The following DPP10 variants were observed in gnomAD, a reference collection of about 807,000 sequenced individuals.
DPP10 encodes inactive dipeptidyl peptidase 10.
DPP10 carries 33 observed loss-of-function variants against 120.9 expected under a neutral mutation model. That is an observed-to-expected ratio of 0.27 (90% CI 0.21 to 0.37). The LOEUF is 0.37. Ranked by LOEUF, DPP10 falls within the 10% of genes least tolerant of loss-of-function variation. The probability of loss-of-function intolerance (pLI) is 1.00; values close to 1 mark genes in which losing one functional copy is unlikely to be tolerated. For synonymous variants in DPP10, 337 were observed against 326.1 expected (o/e 1.03, Z -0.36); for missense variants, 816 against 942.8 (o/e 0.87, Z 1.76).
At chr2:114,928,895 T>C (rs925666684) in intron 1 of DPP10, among the ~76,000 whole-genome samples, 1 of 152,190 alleles carries the variant, frequency 6.6e-6, no homozygotes, top group African/African-American at 2.4e-5. Context: ...CTGGGGCTCT[T>C]TGAGCTACAT....
intron 1 of DPP10, among the ~76,000 whole-genome samples, chr2:115,065,956 C>A (rs2105420478): frequency 6.6e-6 from 1 of 152,306 alleles, no homozygotes; most frequent in East Asian, 1.9e-4. Context: ...ATTTGCAGAG[C>A]TATTGCCTGC....
At chr2:115,291,547 A>G (rs187704955) in intron 1 of DPP10, among the ~76,000 whole-genome samples, 30 of 152,242 alleles carry the variant, frequency 2.0e-4, no homozygotes, top group African/African-American at 7.0e-4. Flanking sequence ...ATCACAATAC[A>G]TGTCTTCAGA....
intron 4 of DPP10, among the ~76,000 whole-genome samples, chr2:115,522,207 C>T (rs370765629): frequency 6.6e-5 from 10 of 152,222 alleles, no homozygotes; most frequent in South Asian, 2.1e-4. Flanking sequence ...TTTAAATAGG[C>T]GGTCTGATTA....
intron 7 of DPP10, among the ~76,000 whole-genome samples, chr2:115,699,652 A>T (rs2091796346): frequency 6.6e-6 from 1 of 152,176 alleles, no homozygotes; most frequent in Admixed American, 6.5e-5. Flanking sequence ...ACTTTTCCAA[A>T]AAGTCAAAGA....
chr2:115,403,271 C>T (rs1246443626), intron 3 of DPP10, among the ~76,000 whole-genome samples: 1 of 151,490 alleles, frequency 6.6e-6, no homozygotes, highest in South Asian at 2.1e-4. Flanking sequence ...ATATGACAAA[C>T]ACATAGCTAG....
intron 1 of DPP10, among the ~76,000 whole-genome samples, chr2:115,092,272 C>A (rs1248360426): frequency 4.6e-5 from 7 of 152,162 alleles, no homozygotes. Context: ...ATTATCACCT[C>A]ATTAATTTGT....
chr2:114,949,036 T>G (rs1380368258), intron 1 of DPP10, among the ~76,000 whole-genome samples: 1 of 151,986 alleles, frequency 6.6e-6, no homozygotes. Flanking sequence ...GTGATTCTCC[T>G]GCCTCAGCCT....
At chr2:115,421,498 A>G (rs535205702) in intron 3 of DPP10, among the ~76,000 whole-genome samples, 1 of 152,294 alleles carries the variant, frequency 6.6e-6, no homozygotes, top group South Asian at 2.1e-4. Context: ...TGTATCTATT[A>G]GACTTAGGAA....
intron 1 of DPP10, among the ~76,000 whole-genome samples, chr2:114,647,711 C>T (rs1159120898): frequency 6.6e-6 from 1 of 150,782 alleles, no homozygotes; most frequent in African/African-American, 2.4e-5. Context: ...GGTTGTGGGA[C>T]ATTAGAATAA....
At chr2:114,532,706 G>C (rs1390656002) in intron 1 of DPP10, among the ~76,000 whole-genome samples, 1 of 152,106 alleles carries the variant, frequency 6.6e-6, no homozygotes, top group Non-Finnish European at 1.5e-5. Context: ...TGTAAGAAAA[G>C]AGCAATATTG....
chr2:115,172,657 T>C (rs1260697885), intron 1 of DPP10, among the ~76,000 whole-genome samples: 1 of 152,174 alleles, frequency 6.6e-6, no homozygotes, highest in African/African-American at 2.4e-5. Flanking sequence ...TGAAAATGAA[T>C]TGATGTTTAT....
chr2:115,161,779 A>T, intron 1 of DPP10: 1 of 551,548 alleles, frequency 1.8e-6, no homozygotes. Context: ...GGACCCTACG[A>T]CGGGGAGCCC....
intron 1 of DPP10, among the ~76,000 whole-genome samples, chr2:114,879,260 C>T (rs1377651942): frequency 1.3e-5 from 2 of 151,692 alleles, no homozygotes; most frequent in Non-Finnish European, 2.9e-5. Context: ...AAGACATAGT[C>T]CCTACCCTCA....
At chr2:115,096,489 A>T (rs1023593893) in intron 1 of DPP10, among the ~76,000 whole-genome samples, 1 of 152,294 alleles carries the variant, frequency 6.6e-6, no homozygotes, top group East Asian at 1.9e-4. Flanking sequence ...TAGATTAGAG[A>T]TAGCCTGAGT....
chr2:115,826,954 A>AAAT (rs1688380077), intron 21 of DPP10, among the ~76,000 whole-genome samples: 2 of 152,148 alleles, frequency 1.3e-5, no homozygotes, highest in Non-Finnish European at 2.9e-5. Context: ...TCTAGATTTT[A>AAAT]AATAATGTAT....
intron 1 of DPP10, among the ~76,000 whole-genome samples, chr2:114,973,973 T>C: frequency 6.6e-6 from 1 of 152,192 alleles, no homozygotes; most frequent in East Asian, 1.9e-4. Flanking sequence ...TTAAATAAGA[T>C]ATTTTTGTAC....
At chr2:114,911,621 G>T (rs1349824509) in intron 1 of DPP10, among the ~76,000 whole-genome samples, 1 of 152,160 alleles carries the variant, frequency 6.6e-6, no homozygotes, top group Non-Finnish European at 1.5e-5. Flanking sequence ...AGGATGAGAA[G>T]AAACCAGCCA....
At chr2:114,607,776 T>G (rs1317280998) in intron 1 of DPP10, among the ~76,000 whole-genome samples, 2 of 152,222 alleles carry the variant, frequency 1.3e-5, no homozygotes, top group Non-Finnish European at 2.9e-5. Flanking sequence ...ATGCTTTTGT[T>G]TGATTTTGTT....
chr2:114,993,576 G>GTATA (rs1395583474), intron 1 of DPP10, among the ~76,000 whole-genome samples: 105 of 37,586 alleles, frequency 2.8e-3, no homozygotes, highest in African/African-American at 6.5e-3. Flanking sequence ...GTGTGTGTGT[G>GTATA]TGTGTATATA....
Sources: gnomAD v4.1 joint callset for allele counts (sites outside exome capture counted in the v4.1 genomes callset) on GRCh38, gnomAD v4.1.1 for gene constraint, MANE v1.5 for transcripts, NCBI Gene and HGNC (gene_info 2026-07-23, HGNC 2026-07-21) for gene names.